Variants in AGR3 observed in about 807,000 individuals in gnomAD.
The protein encoded by AGR3 is anterior gradient 3, protein disulphide isomerase family member, also known as anterior gradient protein 3.
In AGR3, 37 loss-of-function variants were observed where a neutral mutation model predicts 24.5. The ratio of observed to expected loss-of-function variants is 1.51; its 90% confidence interval spans 1.16 to 1.99. The LOEUF (loss-of-function observed/expected upper bound fraction) is 1.99. AGR3 is among the 30% of genes most tolerant of loss of function. AGR3 has a pLI of 0.00. For missense variants in AGR3, 228 were observed against 191.1 expected (o/e 1.19, Z -1.14); for synonymous variants, 75 against 61.6 (o/e 1.22, Z -1.02).
intron 2 of AGR3, among the ~76,000 whole-genome samples, chr7:16,876,644 T>C (rs1781991159): frequency 6.6e-6 from 1 of 152,190 alleles, no homozygotes. Flanking sequence ...TAGCAATAGA[T>C]GGTAAAAGAC....
chr7:16,861,465 A>G lies in AGR3; in HGVS notation c.304-18T>C. ...GTTTCATGCTAGCAGGAGAAGAAAAAAAAAGAATGTTATTGGATTCATTTG... is the reference window on the plus strand; with the variant it reads ...GTTTCATGCTAGCAGGAGAAGAAAAGAAAAGAATGTTATTGGATTCATTTG... On this transcript the variant is annotated intron_variant, in intron 5 of 7. Coordinates refer to ENST00000310398, the MANE Select transcript of AGR3 (RefSeq NM_176813.5). 5 of 1,592,936 alleles carry G rather than the reference A, an allele frequency of 3.1e-6. No homozygotes were observed. The highest frequency in any genetic ancestry group is 2.7e-5 in the African/African-American group (2 of 74,104).
intron 3 of AGR3, among the ~76,000 whole-genome samples, chr7:16,870,321 C>T (rs1004090866): frequency 4.6e-5 from 7 of 151,922 alleles, no homozygotes; most frequent in Non-Finnish European, 8.8e-5. Flanking sequence ...TAGTTTTTCA[C>T]GTATATAAAT....
chr7:16,863,084 A>G (rs1398267613), intron 3 of AGR3, among the ~76,000 whole-genome samples: 5 of 152,166 alleles, frequency 3.3e-5, no homozygotes, highest in Non-Finnish European at 7.3e-5. Flanking sequence ...AGACAAACAA[A>G]CAAAAAACCA....
rs764438182 is a variant in AGR3, at chr7:16,878,473, A to G, written c.109+37T>C. The G allele has an allele frequency of 1.5e-5, 24 of 1,566,034 alleles. No individual in the cohort carries two copies. In the Admixed American group the frequency reaches 2.7e-4, roughly 18 times the overall value. On this transcript the variant is annotated intron_variant, in intron 2 of 7. Coordinates refer to ENST00000310398, the MANE Select transcript of AGR3 (RefSeq NM_176813.5). ...CCAGATATTTTAAAAAGCAATCCAAATGACTGAGTTTAGAAAATAAAATGA... is the reference window on the plus strand; with the variant it reads ...CCAGATATTTTAAAAAGCAATCCAAGTGACTGAGTTTAGAAAATAAAATGA...
intron 3 of AGR3, 21 bp from the exon 4 acceptor site, chr7:16,862,683 A>C (rs1781673604): frequency 6.6e-7 from 1 of 1,506,864 alleles, no homozygotes; most frequent in African/African-American, 1.4e-5. Flanking sequence ...AAAGTATGGA[A>C]TTAAGTCAAA....
At chr7:16,859,039 G>T (rs1400676516), downstream of AGR3, among the ~76,000 whole-genome samples, 1 of 152,108 alleles carries the variant, frequency 6.6e-6, no homozygotes, top group Non-Finnish European at 1.5e-5. Flanking sequence ...TGGTAACATG[G>T]AGATCATTTA....
chr7:16,873,763 G>C lies in AGR3; in HGVS notation c.173+17C>G, dbSNP rs944923392. 5 of 1,582,694 alleles carry C rather than the reference G, an allele frequency of 3.2e-6. No individual in the cohort carries two copies. Among genetic ancestry groups the C allele is most frequent in the Middle Eastern group, 1.7e-4 (1 of 5,998 alleles). On this transcript the variant is annotated intron_variant, in intron 3 of 7. Coordinates refer to ENST00000310398, the MANE Select transcript of AGR3 (RefSeq NM_176813.5). ...ACTACAAATAAAAGGAAAAAAATGAGCTGAGAAGCATGTTACCTTTTTTGA... is the reference window on the plus strand; with the variant it reads ...ACTACAAATAAAAGGAAAAAAATGACCTGAGAAGCATGTTACCTTTTTTGA...
chr7:16,859,564 G>T lies in AGR3; in HGVS notation c.*18C>A, dbSNP rs746200628. 2.0e-6 allele frequency: 3 copies of T among 1,531,946 alleles called. No homozygotes were observed. The highest frequency in any genetic ancestry group is 1.8e-5 in the Admixed American group (1 of 54,440). 94.9% of individuals were successfully genotyped at this position (1,531,946 alleles called of 1,614,324 possible). A position where few individuals can be genotyped will look rare whatever the true frequency, so the allele number is the denominator to read the frequency against. The stretch of plus-strand genomic sequence containing the variant: ...GAAATTTGACTTCTTTGAAGTGAAG[G>T]CTTTTTTCCATCATCTCTTATAGCT... On this transcript the variant is annotated 3_prime_UTR_variant, in exon 8 of 8. Transcript: ENST00000310398.
chr7:16,879,844 G>A (rs888006731), intron 1 of AGR3, among the ~76,000 whole-genome samples: 4 of 152,280 alleles, frequency 2.6e-5, no homozygotes, highest in East Asian at 3.9e-4. Flanking sequence ...AGTAGCAACC[G>A]CAGTCGTGGA....
At chr7:16,865,060 A>G (rs374375822) in intron 3 of AGR3, 15 of 788,026 alleles carry the variant, frequency 1.9e-5, no homozygotes, top group South Asian at 1.2e-4. Context: ...GGCAACCAAG[A>G]TGAGTCTGAT....
intron 6 of AGR3, among the ~76,000 whole-genome samples, chr7:16,860,877 A>C (rs2115403070): frequency 6.6e-6 from 1 of 152,206 alleles, no homozygotes; most frequent in East Asian, 1.9e-4. Flanking sequence ...TGTTTAGCTC[A>C]TATTTATATG....
intron 3 of AGR3, chr7:16,864,683 C>A: frequency 6.3e-7 from 1 of 1,582,854 alleles, no homozygotes. Flanking sequence ...AGTGCTTTTG[C>A]TGCCAGGCAA....
intron 3 of AGR3, among the ~76,000 whole-genome samples, chr7:16,867,314 G>C (rs1192684978): frequency 1.3e-5 from 2 of 151,892 alleles, no homozygotes; most frequent in Non-Finnish European, 2.9e-5. Flanking sequence ...ACCACTTCCT[G>C]TATTAAAAAA....
intron 2 of AGR3, among the ~76,000 whole-genome samples, chr7:16,877,164 A>G (rs1469520870): frequency 6.6e-6 from 1 of 151,026 alleles, no homozygotes; most frequent in Non-Finnish European, 1.5e-5. Flanking sequence ...TAAGAAATGA[A>G]TGTACTTGGG....
At chr7:16,868,747 T>C (rs951130384) in intron 3 of AGR3, among the ~76,000 whole-genome samples, 3 of 152,160 alleles carry the variant, frequency 2.0e-5, no homozygotes, top group African/African-American at 7.2e-5. Flanking sequence ...TCTGGGTATA[T>C]AGAATGATTT....
In AGR3 at chr7:16,864,144, A is replaced by C. The variant is rs1781703780; in HGVS notation, c.174-1482T>G. The C allele has an allele frequency of 2.7e-5, 15 of 562,918 alleles. 1 individual carries two copies. In the South Asian group the frequency reaches 3.4e-4, roughly 13 times the overall value. The allele number at this position is 562,918 out of a possible 1,614,324, so 34.9% of individuals were successfully genotyped here. A position where few individuals can be genotyped will look rare whatever the true frequency, so the allele number is the denominator to read the frequency against. On this transcript the variant is annotated intron_variant, in intron 3 of 7. Coordinates refer to ENST00000310398, the MANE Select transcript of AGR3 (RefSeq NM_176813.5). ...GTTTTTCGTGATGAAAGACTACAGGAACGGAGAATTAACAAACTGTTGTGT... is the reference window on the plus strand; with the variant it reads ...GTTTTTCGTGATGAAAGACTACAGGCACGGAGAATTAACAAACTGTTGTGT...
chr7:16,869,308 T>C (rs186979857), intron 3 of AGR3, among the ~76,000 whole-genome samples: 7 of 152,372 alleles, frequency 4.6e-5, no homozygotes, highest in Admixed American at 4.6e-4. Flanking sequence ...TCTTTGTTTC[T>C]GTTTACATTT....
chr7:16,869,965 A>G (rs1781834018), intron 3 of AGR3, among the ~76,000 whole-genome samples: 1 of 151,848 alleles, frequency 6.6e-6, no homozygotes, highest in Non-Finnish European at 1.5e-5. Context: ...TTATCTTTTT[A>G]AAAAATCTTA....
At chr7:16,860,311 C>G in intron 7 of AGR3, 189 bp downstream of exon 7, 1 of 531,474 alleles carries the variant, frequency 1.9e-6, no homozygotes, top group Non-Finnish European at 3.4e-6. Context: ...CTTAGACATC[C>G]CTGTTAAAAT....
Sources: allele counts gnomAD v4.1 joint callset (sites outside exome capture counted in the v4.1 genomes callset), GRCh38; gene constraint gnomAD v4.1.1; transcripts MANE v1.5; gene names NCBI Gene and HGNC (gene_info 2026-07-23, HGNC 2026-07-21).